Variants in NEK5 observed in about 807,000 individuals in gnomAD.
NEK5 encodes NIMA related kinase 5.
Under a neutral mutation model 109.2 loss-of-function variants are expected in NEK5, and 88 were observed. The observed-to-expected ratio is 0.81, with a 90% CI of 0.68 to 0.96. The LOEUF (loss-of-function observed/expected upper bound fraction) is 0.96. Ranked by LOEUF, NEK5 falls within the 40% of genes least tolerant of loss-of-function variation. NEK5 has a pLI of 0.00. For missense variants in NEK5, 834 were observed against 920.7 expected, an observed-to-expected ratio of 0.91 and a Z score of 1.22; for synonymous variants, 283 against 299.9, an observed-to-expected ratio of 0.94 and a Z score of 0.58.
At chr13:52,110,465 C>G in intron 6 of NEK5, 29 bp downstream of exon 6, 2 of 1,594,228 alleles carry the variant, frequency 1.3e-6, no homozygotes, top group Non-Finnish European at 1.7e-6. Context: ...AAGATCAGTT[C>G]TGTCTTAGTC....
chr13:52,062,330 T>C (rs1261323420), intron 21 of NEK5, among the ~76,000 whole-genome samples: 1 of 152,206 alleles, frequency 6.6e-6, no homozygotes, highest in African/African-American at 2.4e-5. Context: ...GCCCATGTTA[T>C]CAAGAACATA....
intron 20 of NEK5, among the ~76,000 whole-genome samples, chr13:52,068,105 C>T (rs1954720293): frequency 6.6e-6 from 1 of 152,084 alleles, no homozygotes; most frequent in African/African-American, 2.4e-5. Flanking sequence ...GCAAATGAAA[C>T]CCCCAGCCCT....
chr13:52,064,403 G>GA (rs1954652595), intron 21 of NEK5, among the ~76,000 whole-genome samples: 1 of 145,450 alleles, frequency 6.9e-6, no homozygotes, highest in Non-Finnish European at 1.5e-5. Flanking sequence ...GGAGGTGGGG[G>GA]AGCCAGCCCC....
intron 14 of NEK5, 118 bp from the exon 15 acceptor site, chr13:52,087,572 G>T: frequency 3.7e-6 from 2 of 539,034 alleles, no homozygotes; most frequent in Non-Finnish European, 3.3e-6. Context: ...TCAGTATTTG[G>T]GAGTTTTTTT....
intron 21 of NEK5, chr13:52,065,124 A>G (rs1309866964): frequency 3.1e-6 from 1 of 324,442 alleles, no homozygotes; most frequent in Admixed American, 4.3e-5. Flanking sequence ...TCAATAAAAA[A>G]TAAAAATTAA....
chr13:52,109,260 A>G (rs1955712896), intron 7 of NEK5, among the ~76,000 whole-genome samples: 2 of 152,182 alleles, frequency 1.3e-5, no homozygotes, highest in Admixed American at 1.3e-4. Context: ...GATGGGAAGC[A>G]GGGTCTGATA....
chr13:52,067,577 T>G (rs1170613895), intron 20 of NEK5, among the ~76,000 whole-genome samples: 1 of 151,970 alleles, frequency 6.6e-6, no homozygotes, highest in Admixed American at 6.6e-5. Flanking sequence ...CTTTCCTTTT[T>G]GGGGCATACT....
At chr13:52,044,256 TGA>T (rs1215272326) in intron 23 of NEK5, among the ~76,000 whole-genome samples, 1 of 152,218 alleles carries the variant, frequency 6.6e-6, no homozygotes, top group East Asian at 1.9e-4. Flanking sequence ...TGTGATTGTG[TGA>T]GTTATACTTA....
intron 4 of NEK5, among the ~76,000 whole-genome samples, chr13:52,113,650 C>T (rs1361755963): frequency 6.6e-6 from 1 of 150,854 alleles, no homozygotes; most frequent in East Asian, 1.9e-4. Context: ...TTTTTCCTGG[C>T]CATTTCCACT....
chr13:52,064,333 G>A lies in NEK5; in HGVS notation c.1975+1151C>T, dbSNP rs1413749562. Among the ~76,000 whole-genome samples, 16 of 107,704 alleles carry A rather than the reference G, an allele frequency of 1.5e-4. 1 individual carries two copies. Among genetic ancestry groups the A allele is most frequent in the Admixed American group, 8.6e-4 (9 of 10,488 alleles). 70.7% of individuals were successfully genotyped at this position (107,704 alleles called of 152,430 possible). A position where few individuals can be genotyped will look rare whatever the true frequency, so the allele number is the denominator to read the frequency against. ...GAGGAGCCCCTCTGCCTGGCCAGCC[G>A]CCCCATCCAGGAGGGAGGTGGGGGG... On this transcript the variant is annotated intron_variant, in intron 21 of 23. Coordinates refer to ENST00000684899, the MANE Select transcript of NEK5 (RefSeq NM_001365552.1).
chr13:52,110,339 C>T lies in NEK5; in HGVS notation c.467+1G>A, dbSNP rs140393895. On this transcript the variant is annotated splice_donor_variant, in intron 7 of 23. Coordinates refer to ENST00000684899, the MANE Select transcript of NEK5 (RefSeq NM_001365552.1). LOFTEE classifies it high-confidence loss of function. Reference sequence around the variant, plus strand: ...AGAAAAATTATTTTCAAAGTACTTACTTATTCAGGACTCTTGCTATACCAA... The same window carrying T: ...AGAAAAATTATTTTCAAAGTACTTATTTATTCAGGACTCTTGCTATACCAA... 473 of 1,599,064 alleles carry T rather than the reference C, an allele frequency of 3.0e-4. 4 individuals are homozygous for T. In the African/African-American group the frequency reaches 5.3e-3, roughly 18 times the overall value.
chr13:52,128,697 G>A (rs1956117392), intron 1 of NEK5, among the ~76,000 whole-genome samples: 1 of 152,092 alleles, frequency 6.6e-6, no homozygotes, highest in Non-Finnish European at 1.5e-5. Flanking sequence ...GACTCGCCGG[G>A]AACTGAGGGC....
intron 19 of NEK5, among the ~76,000 whole-genome samples, 159 bp downstream of exon 19, chr13:52,075,599 C>T (rs1247562830): frequency 6.6e-6 from 1 of 152,082 alleles, no homozygotes; most frequent in African/African-American, 2.4e-5. Context: ...CATCACACAA[C>T]ATATCCAGGT....
intron 22 of NEK5, among the ~76,000 whole-genome samples, chr13:52,052,530 AC>A (rs1157661150): frequency 6.6e-6 from 1 of 152,108 alleles, no homozygotes; most frequent in Non-Finnish European, 1.5e-5. Flanking sequence ...AGGAGCACAG[AC>A]TCATGGTGTT....
intron 23 of NEK5, among the ~76,000 whole-genome samples, chr13:52,043,071 G>T (rs74843367): frequency 0.092 from 13,844 of 150,846 alleles, 689 homozygotes; most frequent in Non-Finnish European, 0.12. Flanking sequence ...GAAAATAAAA[G>T]AATAGAAAAA....
chr13:52,090,896 G>A (rs1236920018), intron 13 of NEK5, among the ~76,000 whole-genome samples: 1 of 152,106 alleles, frequency 6.6e-6, no homozygotes, highest in Non-Finnish European at 1.5e-5. Flanking sequence ...TGTCGTGGCA[G>A]GCGCCTGTAG....
intron 13 of NEK5, among the ~76,000 whole-genome samples, chr13:52,090,492 C>T (rs950643997): frequency 1.1e-4 from 16 of 152,254 alleles, no homozygotes; most frequent in African/African-American, 3.4e-4. Flanking sequence ...GGCATGGTAC[C>T]ATTTCACAGG....
intron 16 of NEK5, 108 bp from the exon 17 acceptor site, chr13:52,083,460 A>G (rs1268169830): frequency 1.3e-5 from 9 of 675,026 alleles, no homozygotes; most frequent in Admixed American, 2.1e-5. Context: ...AACCCTTTTT[A>G]TAGCTCCTTT....
intron 5 of NEK5, 139 bp from the exon 6 acceptor site, chr13:52,110,716 A>G (rs1955742563): frequency 1.9e-6 from 1 of 518,826 alleles, no homozygotes; most frequent in Non-Finnish European, 3.4e-6. Context: ...TATTTATAGG[A>G]ATGAAGTTAA....
Sources: gnomAD v4.1 joint callset for allele counts (sites outside exome capture counted in the v4.1 genomes callset) on GRCh38, gnomAD v4.1.1 for gene constraint, MANE v1.5 for transcripts, NCBI Gene and HGNC (gene_info 2026-07-23, HGNC 2026-07-21) for gene names.